NAV3: variants seen among roughly 807,000 people sequenced by gnomAD.
NAV3 encodes neuron navigator 3.
NAV3 carries 87 observed loss-of-function variants against 244.7 expected under a neutral mutation model. The ratio of observed to expected loss-of-function variants is 0.36; its 90% CI spans 0.30 to 0.42. NAV3 has a LOEUF of 0.42. NAV3 is among the 20% of genes least tolerant of loss of function. The pLI is 1.00. For synonymous variants in NAV3, 1,126 were observed against 1,042.2 expected, an observed-to-expected ratio of 1.08 and a Z score of -1.55; for missense variants, 2,663 against 2,893.3, an observed-to-expected ratio of 0.92 and a Z score of 1.83.
chr12:78,129,822 A>T (rs1458324774), intron 18 of NAV3, among the ~76,000 whole-genome samples: 1 of 152,162 alleles, frequency 6.6e-6, no homozygotes, highest in Non-Finnish European at 1.5e-5. Context: ...GGACAATGAA[A>T]CAAGAAATTT....
intron 12 of NAV3, among the ~76,000 whole-genome samples, chr12:78,103,756 C>T (rs1185180286): frequency 1.3e-5 from 2 of 152,138 alleles, no homozygotes; most frequent in Admixed American, 1.3e-4. Context: ...ATAAAACCAT[C>T]GGACCTTGTA....
chr12:77,867,442 C>T (rs533068404), intron 1 of NAV3, among the ~76,000 whole-genome samples: 14 of 152,050 alleles, frequency 9.2e-5, no homozygotes, highest in South Asian at 2.1e-4. Context: ...GTTTTTGAGA[C>T]GGAGTCTCGC....
At chr12:77,602,646 TA>T (rs1305783171) in intron 2 of NAV3, among the ~76,000 whole-genome samples, 4 of 151,646 alleles carry the variant, frequency 2.6e-5, no homozygotes, top group South Asian at 4.2e-4. Context: ...GGCAGACAGA[TA>T]GGGGGGAATG....
At position 77,761,516 on chromosome 12, in the gene NAV3, G is replaced by A. The variant is rs1276481352; in HGVS notation, c.73-178803G>A. Among the ~76,000 whole-genome samples, 9 of 152,006 alleles carry A rather than the reference G, an allele frequency of 5.9e-5. 1 individual carries two copies. The highest frequency in any genetic ancestry group is 4.1e-4 in the South Asian group (2 of 4,830). ...ATCTACAGAGTGGGAGAAAATTTTC[G>A]CAATCTATCCATCTGACAAAGGATA... On this transcript the variant is annotated intron_variant, in intron 2 of 8. Coordinates refer to the NAV3 transcript ENST00000550042.
At chr12:77,888,272 A>G (rs1350463980) in intron 1 of NAV3, among the ~76,000 whole-genome samples, 3 of 152,026 alleles carry the variant, frequency 2.0e-5, no homozygotes, top group Non-Finnish European at 4.4e-5. Flanking sequence ...ATTACTTGAG[A>G]CCAGGAGTTT....
chr12:78,117,987 T>G, intron 13 of NAV3, 40 bp from the exon 14 acceptor site: 2 of 1,502,332 alleles, frequency 1.3e-6, no homozygotes, highest in Non-Finnish European at 1.8e-6. Flanking sequence ...CTTTATAAAT[T>G]TTTCTACATA....
intron 1 of NAV3, among the ~76,000 whole-genome samples, chr12:77,880,881 A>G (rs1039893209): frequency 1.3e-5 from 2 of 152,174 alleles, no homozygotes; most frequent in East Asian, 1.9e-4. Context: ...AAAATGATGA[A>G]ATCACCTAAG....
chr12:77,952,081 A>C (rs903059453), intron 3 of NAV3, among the ~76,000 whole-genome samples: 1 of 151,286 alleles, frequency 6.6e-6, no homozygotes, highest in Non-Finnish European at 1.5e-5. Context: ...AAAAAAAAAA[A>C]AAACAGGTTG....
rs760819848 is a variant in NAV3, at chr12:78,050,889, C to T, written c.2258C>T (p.Ala753Val). ...RLGQACPRLQ[A>V]GDAPSLGAGY... ...GGCCAGGCATGTCCGCGACTTCAGG[C>T]GGGAGATGCTCCCTCCCTGGGTGCT... is the stretch of plus-strand genomic sequence containing the variant. Residue 753 changes from alanine (A) to valine (V), a missense_variant, in exon 11 of 40, where the codon GCG (alanine) becomes GTG (valine). Transcript: ENST00000397909. The T allele has an allele frequency of 3.4e-5, 55 of 1,613,944 alleles. No homozygotes were observed. The highest frequency in any genetic ancestry group is 4.3e-5 in the Non-Finnish European group (51 of 1,179,996).
At chr12:77,824,232 C>T (rs915856476) in intron 2 of NAV3, among the ~76,000 whole-genome samples, 7 of 148,454 alleles carry the variant, frequency 4.7e-5, no homozygotes, top group African/African-American at 9.9e-5. Context: ...TGCCACCACG[C>T]CCAACTAAAT....
In NAV3 at chr12:78,135,662, A is replaced by G. The variant is rs187932837; in HGVS notation, c.4442-1515A>G. On this transcript the variant is annotated intron_variant, in intron 18 of 39. Transcript: ENST00000397909. Reference sequence around the variant, plus strand: ...ACCAAGAATAGGGTGACTTACCCCAATCTTGCCACCTTAAACATAAACATT... The same window carrying G: ...ACCAAGAATAGGGTGACTTACCCCAGTCTTGCCACCTTAAACATAAACATT... Among the ~76,000 whole-genome samples the G allele has an allele frequency of 1.4e-3, 215 of 152,318 alleles. 1 individual carries two copies. The highest frequency in any genetic ancestry group is 4.9e-3 in the African/African-American group (203 of 41,584).
At chr12:78,203,318 A>G (rs1959929272) in intron 38 of NAV3, among the ~76,000 whole-genome samples, 1 of 152,098 alleles carries the variant, frequency 6.6e-6, no homozygotes, top group South Asian at 2.1e-4. Flanking sequence ...AAACAAACAT[A>G]ATTAAGCTTT....
intron 7 of NAV3, among the ~76,000 whole-genome samples, chr12:77,999,611 G>T (rs1256497447): frequency 1.3e-5 from 2 of 152,082 alleles, no homozygotes; most frequent in Non-Finnish European, 2.9e-5. Context: ...AGCAGTGTGT[G>T]TTAAGATTGC....
Position 78,119,408 on chromosome 12 carries a change from G to A in NAV3, c.3212G>A (p.Ser1071Asn), listed in dbSNP as rs376536512. 28 of 1,614,182 alleles carry A rather than the reference G, an allele frequency of 1.7e-5. No individual in the cohort carries two copies. Among genetic ancestry groups the A allele is most frequent in the East Asian group, 2.2e-5 (1 of 44,878 alleles). The change falls in exon 15 of 40, where the codon AGT (serine) becomes AAT (asparagine). Residue 1071 changes from serine (S) to asparagine (N), a missense_variant. This residue lies in a region of NAV3 where 1,521 missense variants were observed against 1,497.0 expected (regional missense o/e 1.02). Transcript: ENST00000397909. ...AGCTCCTTTGGCTTTAAGAAACCAA[G>A]TGGAGTAGGGTCATCTGCCATGATC... is the stretch of plus-strand genomic sequence containing the variant. Reference protein sequence around the residue: ...ATSSFGFKKPSGVGSSAMITS... With the variant: ...ATSSFGFKKPNGVGSSAMITS...
chr12:77,848,038 G>T (rs1214622898), intron 1 of NAV3, among the ~76,000 whole-genome samples: 1 of 152,206 alleles, frequency 6.6e-6, no homozygotes, highest in Admixed American at 6.5e-5. Context: ...TTGGCAGAGG[G>T]TGCTTCCTGT....
chr12:77,715,186 T>C (rs1479563080), intron 2 of NAV3, among the ~76,000 whole-genome samples: 1 of 151,990 alleles, frequency 6.6e-6, no homozygotes, highest in African/African-American at 2.4e-5. Context: ...AAATATTTAG[T>C]AGAAAGCATA....
chr12:77,899,082 C>T (rs1473693591), intron 1 of NAV3, among the ~76,000 whole-genome samples: 1 of 152,168 alleles, frequency 6.6e-6, no homozygotes, highest in South Asian at 2.1e-4. Context: ...CATGATAACA[C>T]TTGAACAGAT....
chr12:77,893,616 T>C (rs1884221815), intron 1 of NAV3, among the ~76,000 whole-genome samples: 1 of 150,380 alleles, frequency 6.6e-6, no homozygotes, highest in South Asian at 2.1e-4. Context: ...CTTGGGGGGA[T>C]TGTAATTGTA....
chr12:77,761,706 G>A (rs1269022301), intron 2 of NAV3, among the ~76,000 whole-genome samples: 1 of 152,178 alleles, frequency 6.6e-6, no homozygotes, highest in African/African-American at 2.4e-5. Context: ...TTAGAGAAAT[G>A]CAAATCAAAA....
Sources: gnomAD v4.1 joint callset for allele counts (sites outside exome capture counted in the v4.1 genomes callset) on GRCh38, gnomAD v4.1.1 for gene constraint, gnomAD v4.1.1 regional missense constraint, MANE v1.5 for transcripts, NCBI Gene and HGNC (gene_info 2026-07-23, HGNC 2026-07-21) for gene names.